Variants in PLXDC2 observed in about 807,000 individuals in gnomAD.
PLXDC2 encodes the protein plexin domain-containing protein 2.
PLXDC2 carries 40 observed loss-of-function variants against 68.9 expected under a neutral mutation model. The ratio of observed to expected loss-of-function variants is 0.58; its 90% CI spans 0.45 to 0.76. PLXDC2 has a LOEUF of 0.76. Among genes scored for constraint, PLXDC2 ranks in the 30% least tolerant of loss-of-function variants. PLXDC2 has a pLI of 0.00. For synonymous variants in PLXDC2, 243 were observed against 234.2 expected, an observed-to-expected ratio of 1.04 and a Z score of -0.34; for missense variants, 644 against 661.9, an observed-to-expected ratio of 0.97 and a Z score of 0.30.
rs972558005 is a variant in PLXDC2, at chr10:19,997,041, T to A, written c.113-4734T>A. On this transcript the variant is annotated intron_variant, in intron 1 of 13. Transcript: ENST00000377252. ...CAGCACCTATGGTGGGAATAGAATA[T>A]GAGGCAAAGTTCAACCTAGGAGACA... is the stretch of plus-strand genomic sequence containing the variant. 2.0e-5 allele frequency among the ~76,000 whole-genome samples: 3 copies of A among 152,156 alleles called. 1 individual carries two copies. In the South Asian group the frequency reaches 6.2e-4, roughly 32 times the overall value.
chr10:20,165,204 G>A (rs1031233024), intron 7 of PLXDC2, among the ~76,000 whole-genome samples: 1 of 151,984 alleles, frequency 6.6e-6, no homozygotes, highest in Non-Finnish European at 1.5e-5. Flanking sequence ...TGGATTGATA[G>A]GCATATGACT....
chr10:20,287,871 C>T lies in PLXDC2; in HGVS notation c.*8052C>T, dbSNP rs887569709. ...GTCTTTTTTATATGCCAGCTGGGAT[C>T]ATGGGAACTTCGAATGCCAGGAATT... On this transcript the variant is annotated 3_prime_UTR_variant, in exon 14 of 14. Transcript: ENST00000377252. 6.6e-6 allele frequency: 1 copy of T among 150,864 alleles called. No individual in the cohort carries two copies. Among genetic ancestry groups the T allele is most frequent in the Admixed American group, 6.7e-5 (1 of 14,984 alleles). The allele number at this position is 150,864 out of a possible 1,614,324, so 9.3% of individuals were successfully genotyped here. A position where few individuals can be genotyped will look rare whatever the true frequency, so the allele number is the denominator to read the frequency against.
intron 1 of PLXDC2, among the ~76,000 whole-genome samples, chr10:19,852,828 C>G (rs548374830): frequency 9.9e-5 from 15 of 152,266 alleles, no homozygotes; most frequent in African/African-American, 3.6e-4. Flanking sequence ...TACCACAAGT[C>G]AATTATTAAG....
chr10:19,839,049 G>A (rs141969009), intron 1 of PLXDC2, among the ~76,000 whole-genome samples: 5 of 152,200 alleles, frequency 3.3e-5, no homozygotes, highest in East Asian at 1.9e-4. Flanking sequence ...TTCCAGGCAC[G>A]GTGGTGGGTG....
At chr10:20,017,648 C>A (rs1835236104) in intron 2 of PLXDC2, among the ~76,000 whole-genome samples, 1 of 152,190 alleles carries the variant, frequency 6.6e-6, no homozygotes, top group African/African-American at 2.4e-5. Context: ...GTTTCCACTT[C>A]CTCAATTACT....
intron 13 of PLXDC2, among the ~76,000 whole-genome samples, chr10:20,264,384 T>A (rs188766471): frequency 4.6e-5 from 7 of 152,302 alleles, no homozygotes; most frequent in Middle Eastern, 3.4e-3. Context: ...GCCTGGTGGA[T>A]GTAATAATGC....
intron 1 of PLXDC2, among the ~76,000 whole-genome samples, chr10:19,989,822 T>G (rs969765349): frequency 1.6e-4 from 24 of 151,276 alleles, no homozygotes; most frequent in Non-Finnish European, 2.9e-4. Context: ...TGATCTTGAC[T>G]CACTGCAACC....
In PLXDC2 at chr10:20,283,669, A is replaced by C. The variant is rs1038415500; in HGVS notation, c.*3850A>C. The C allele has an allele frequency of 2.0e-5, 3 of 152,208 alleles. No homozygotes were observed. Among genetic ancestry groups the C allele is most frequent in the Non-Finnish European group, 2.9e-5 (2 of 68,038 alleles). The allele number at this position is 152,208 out of a possible 1,614,324, so 9.4% of individuals were successfully genotyped here. A position where few individuals can be genotyped will look rare whatever the true frequency, so the allele number is the denominator to read the frequency against. On this transcript the variant is annotated 3_prime_UTR_variant, in exon 14 of 14. Coordinates refer to ENST00000377252, the MANE Select transcript of PLXDC2 (RefSeq NM_032812.9). ...CCTATGAACATCCTTCAACTGGCTCAGTTCTTTATTGCATAGAGCCACTTA... is the reference window on the plus strand; with the variant it reads ...CCTATGAACATCCTTCAACTGGCTCCGTTCTTTATTGCATAGAGCCACTTA...
chr10:20,173,409 A>G (rs1181626326), intron 7 of PLXDC2, among the ~76,000 whole-genome samples: 8 of 152,182 alleles, frequency 5.3e-5, no homozygotes, highest in Non-Finnish European at 1.2e-4. Context: ...AAACTAGATC[A>G]TGGCTAATCA....
intron 9 of PLXDC2, among the ~76,000 whole-genome samples, chr10:20,188,446 TGCTC>T (rs1269198587): frequency 6.6e-6 from 1 of 151,818 alleles, no homozygotes; most frequent in Non-Finnish European, 1.5e-5. Flanking sequence ...AGATGCAGAT[TGCTC>T]TACAGCTCAC....
Position 20,284,407 on chromosome 10 carries a change from A to ATGTGTG in PLXDC2, c.*4616_*4621dup, listed in dbSNP as rs570410455. On this transcript the variant is annotated 3_prime_UTR_variant, in exon 14 of 14. Transcript: ENST00000377252. ...ATATTTGATAGAGATGATAGCAATT[A>ATGTGTG]TGTGTGTGTGTGTGTGTGTGTGTGT... The ATGTGTG allele has an allele frequency of 0.027, 3,733 of 135,834 alleles. 85 individuals are homozygous for ATGTGTG. Among genetic ancestry groups the ATGTGTG allele is most frequent in the African/African-American group, 0.061 (2,219 of 36,458 alleles). The allele number at this position is 135,834 out of a possible 1,614,324, so 8.4% of individuals were successfully genotyped here.
intron 4 of PLXDC2, among the ~76,000 whole-genome samples, chr10:20,095,420 A>G (rs12240780): frequency 0.061 from 9,217 of 152,246 alleles, 434 homozygotes; most frequent in African/African-American, 0.13. Context: ...TTACTTGGAC[A>G]TAAAAGAAAG....
At chr10:20,182,216 A>G (rs190995519) in intron 9 of PLXDC2, among the ~76,000 whole-genome samples, 212 of 151,946 alleles carry the variant, frequency 1.4e-3, no homozygotes, top group Non-Finnish European at 2.1e-3. Context: ...CAAAATACAG[A>G]TTTCCTTCAT....
At chr10:20,060,716 G>A (rs1176580180) in intron 3 of PLXDC2, among the ~76,000 whole-genome samples, 1 of 151,928 alleles carries the variant, frequency 6.6e-6, no homozygotes, top group Non-Finnish European at 1.5e-5. Context: ...GTGTCTAGGT[G>A]GTTTCAAATG....
chr10:20,075,197 C>A (rs1419973912), intron 4 of PLXDC2, among the ~76,000 whole-genome samples: 6 of 152,104 alleles, frequency 3.9e-5, no homozygotes, highest in East Asian at 3.9e-4. Context: ...ATATTTATTT[C>A]TTTATTTTGT....
chr10:20,271,132 GACACACACACACAC>G (rs55677642), intron 13 of PLXDC2, among the ~76,000 whole-genome samples: 146 of 97,854 alleles, frequency 1.5e-3, no homozygotes, highest in African/African-American at 3.7e-3. Flanking sequence ...ACAAAAAACA[GACACACACACACAC>G]ACACACACAC....
At chr10:20,244,191 TACA>T (rs893794343) in intron 12 of PLXDC2, among the ~76,000 whole-genome samples, 7 of 152,232 alleles carry the variant, frequency 4.6e-5, no homozygotes, top group Non-Finnish European at 8.8e-5. Context: ...GCACTTAAGA[TACA>T]ACTTACTGTA....
At chr10:19,863,777 G>A (rs187100700) in intron 1 of PLXDC2, among the ~76,000 whole-genome samples, 55 of 151,344 alleles carry the variant, frequency 3.6e-4, no homozygotes, top group East Asian at 1.4e-3. Flanking sequence ...AGTAAAAACC[G>A]TTTTCTTTTT....
At chr10:20,216,845 T>A (rs1835144387) in intron 10 of PLXDC2, among the ~76,000 whole-genome samples, 1 of 152,234 alleles carries the variant, frequency 6.6e-6, no homozygotes, top group African/African-American at 2.4e-5. Flanking sequence ...GAAAATAGGC[T>A]GAGTGATTAC....
Sources: gnomAD v4.1 joint callset for allele counts (sites outside exome capture counted in the v4.1 genomes callset) on GRCh38, gnomAD v4.1.1 for gene constraint, MANE v1.5 for transcripts, NCBI Gene and HGNC (gene_info 2026-07-23, HGNC 2026-07-21) for gene names.